MMP16: variants seen among roughly 807,000 people sequenced by gnomAD.
MMP16 encodes the protein matrix metalloproteinase-16.
MMP16 carries 12 observed loss-of-function variants against 67.8 expected under a neutral mutation model. The observed-to-expected ratio is 0.18, with a 90% CI of 0.11 to 0.29. The LOEUF (loss-of-function observed/expected upper bound fraction) is 0.29, where lower values mean the gene tolerates loss of function less well. Ranked by LOEUF, MMP16 falls within the 10% of genes least tolerant of loss-of-function variation. The pLI is 1.00. For synonymous variants in MMP16, 249 were observed against 255.9 expected, an observed-to-expected ratio of 0.97 and a Z score of 0.26; for missense variants, 475 against 765.7, an observed-to-expected ratio of 0.62 and a Z score of 4.48.
intron 1 of MMP16, among the ~76,000 whole-genome samples, chr8:88,320,966 T>C (rs532041130): frequency 6.6e-6 from 1 of 152,088 alleles, no homozygotes; most frequent in East Asian, 1.9e-4. Context: ...GAAACAACAA[T>C]CAAATATGGT....
chr8:88,292,092 C>A (rs1465280721), intron 1 of MMP16, among the ~76,000 whole-genome samples: 1 of 152,046 alleles, frequency 6.6e-6, no homozygotes, highest in Non-Finnish European at 1.5e-5. Flanking sequence ...GATGCTGCTT[C>A]CTGAAAATAA....
At chr8:88,292,966 T>C (rs905853127) in intron 1 of MMP16, among the ~76,000 whole-genome samples, 7 of 152,138 alleles carry the variant, frequency 4.6e-5, no homozygotes, top group African/African-American at 1.7e-4. Flanking sequence ...AAAATGCACA[T>C]ATAAAAATGC....
intron 1 of MMP16, among the ~76,000 whole-genome samples, chr8:88,284,562 T>TGTC (rs1219737509): frequency 2.0e-5 from 3 of 151,798 alleles, no homozygotes; most frequent in Non-Finnish European, 4.4e-5. Flanking sequence ...CACAGCCTGT[T>TGTC]GTCTCCTTAA....
intron 4 of MMP16, among the ~76,000 whole-genome samples, chr8:88,159,086 A>T (rs1216561935): frequency 6.6e-6 from 1 of 152,148 alleles, no homozygotes; most frequent in African/African-American, 2.4e-5. Context: ...GAATAGTTTG[A>T]AGTCAGGCAG....
intron 1 of MMP16, among the ~76,000 whole-genome samples, chr8:88,306,834 G>T (rs994489942): frequency 3.3e-5 from 5 of 152,114 alleles, no homozygotes; most frequent in Non-Finnish European, 5.9e-5. Flanking sequence ...TACTAAATGG[G>T]CAAGAGCTGG....
intron 8 of MMP16, among the ~76,000 whole-genome samples, chr8:88,052,831 C>T (rs927596030): frequency 2.0e-4 from 30 of 152,350 alleles, no homozygotes; most frequent in African/African-American, 6.5e-4. Context: ...CAAGTCCCCA[C>T]TCAAGTGTCC....
At chr8:88,124,048 T>A (rs940197079) in intron 4 of MMP16, among the ~76,000 whole-genome samples, 1 of 152,008 alleles carries the variant, frequency 6.6e-6, no homozygotes, top group African/African-American at 2.4e-5. Flanking sequence ...TTGCAATCAT[T>A]TTTACTTAGC....
At chr8:88,248,810 T>C (rs80138649) in intron 1 of MMP16, among the ~76,000 whole-genome samples, 1 of 149,780 alleles carries the variant, frequency 6.7e-6, no homozygotes, top group African/African-American at 2.4e-5. Context: ...AAAAAAAAAT[T>C]ACTGTTTCCC....
At chr8:88,276,860 C>T (rs28904571) in intron 1 of MMP16, among the ~76,000 whole-genome samples, 1,739 of 152,098 alleles carry the variant, frequency 0.011, 34 homozygotes, top group African/African-American at 0.039. Context: ...CTTTCCATGT[C>T]CATGTCATTT....
chr8:88,072,363 G>C (rs894047503), intron 7 of MMP16, among the ~76,000 whole-genome samples: 2 of 152,102 alleles, frequency 1.3e-5, no homozygotes, highest in Non-Finnish European at 1.5e-5. Context: ...GGAACACCCA[G>C]AACTTCTGAC....
chr8:88,171,895 C>T (rs866988205), intron 3 of MMP16, among the ~76,000 whole-genome samples: 1 of 151,432 alleles, frequency 6.6e-6, no homozygotes, highest in Non-Finnish European at 1.5e-5. Context: ...GGCACCATCA[C>T]ATCTCACTGA....
intron 4 of MMP16, among the ~76,000 whole-genome samples, chr8:88,120,220 T>C (rs536017739): frequency 6.6e-6 from 1 of 152,034 alleles, no homozygotes; most frequent in East Asian, 2.0e-4. Flanking sequence ...AAGTTATTCA[T>C]GAAGAGTTAC....
At chr8:88,211,922 C>T (rs1809518858) in intron 1 of MMP16, among the ~76,000 whole-genome samples, 5 of 152,096 alleles carry the variant, frequency 3.3e-5, no homozygotes, top group African/African-American at 1.2e-4. Flanking sequence ...TCATACATAT[C>T]TACCTTTACA....
At chr8:88,047,748 A>C (rs1021740541) in intron 8 of MMP16, among the ~76,000 whole-genome samples, 1 of 152,236 alleles carries the variant, frequency 6.6e-6, no homozygotes, top group African/African-American at 2.4e-5. Flanking sequence ...CTTTACTCTA[A>C]GAGAGATGAG....
At chr8:88,099,100 T>C (rs925721933) in intron 6 of MMP16, among the ~76,000 whole-genome samples, 1 of 151,804 alleles carries the variant, frequency 6.6e-6, no homozygotes, top group Non-Finnish European at 1.5e-5. Flanking sequence ...TCAAATTTTA[T>C]GTACATGTTC....
At chr8:88,158,594 AT>A (rs1288353719) in intron 4 of MMP16, among the ~76,000 whole-genome samples, 1 of 152,102 alleles carries the variant, frequency 6.6e-6, no homozygotes, top group African/African-American at 2.4e-5. Context: ...GATTGCAAAA[AT>A]TTTCTCCCAT....
At chr8:88,196,140 T>C (rs1330223548) in intron 2 of MMP16, among the ~76,000 whole-genome samples, 2 of 152,206 alleles carry the variant, frequency 1.3e-5, no homozygotes, top group Non-Finnish European at 2.9e-5. Context: ...GAAGTTCACT[T>C]AGCCTTTGAC....
At chr8:88,311,613 T>C (rs1213524670) in intron 1 of MMP16, among the ~76,000 whole-genome samples, 8 of 152,216 alleles carry the variant, frequency 5.3e-5, no homozygotes. Flanking sequence ...TCATTTTTAA[T>C]GAATTTCTAA....
chr8:88,084,603 G>T (rs1374601870), intron 6 of MMP16, among the ~76,000 whole-genome samples: 1 of 151,870 alleles, frequency 6.6e-6, no homozygotes, highest in Non-Finnish European at 1.5e-5. Context: ...ACTTTGTTTC[G>T]CCAAACACTT....
Sources: gnomAD v4.1 joint callset for allele counts (sites outside exome capture counted in the v4.1 genomes callset) on GRCh38, gnomAD v4.1.1 for gene constraint, MANE v1.5 for transcripts, NCBI Gene and HGNC (gene_info 2026-07-23, HGNC 2026-07-21) for gene names.